CCSER1: variants seen among roughly 807,000 people sequenced by gnomAD.
CCSER1 encodes coiled-coil serine rich protein 1, also known as serine-rich coiled-coil domain-containing protein 1.
Under a neutral mutation model 82.0 loss-of-function variants are expected in CCSER1, and 41 were observed. The ratio of observed to expected loss-of-function variants is 0.50; its 90% CI spans 0.39 to 0.65. CCSER1 has a LOEUF of 0.65. CCSER1 is among the 30% of genes least tolerant of loss of function. The pLI is 0.00. For missense variants in CCSER1, 1,119 were observed against 1,064.2 expected (o/e 1.05, Z -0.72); for synonymous variants, 414 against 383.9 (o/e 1.08, Z -0.92).
At chr4:91,363,920 G>A (rs1264963910) in intron 10 of CCSER1, among the ~76,000 whole-genome samples, 1 of 151,576 alleles carries the variant, frequency 6.6e-6, no homozygotes, top group African/African-American at 2.4e-5. Context: ...TCTAACTGTA[G>A]CCCATGGATT....
chr4:91,345,074 A>C (rs1158767166), intron 10 of CCSER1, among the ~76,000 whole-genome samples: 1 of 152,136 alleles, frequency 6.6e-6, no homozygotes, highest in Non-Finnish European at 1.5e-5. Context: ...CACTTTCCTA[A>C]CTGTTCCCTG....
At chr4:91,545,091 C>T (rs887624799) in intron 10 of CCSER1, among the ~76,000 whole-genome samples, 3 of 152,118 alleles carry the variant, frequency 2.0e-5, no homozygotes, top group African/African-American at 7.2e-5. Flanking sequence ...TGTGCTAACA[C>T]TGAGGGAGGC....
chr4:90,206,299 A>G (rs1450292480), intron 1 of CCSER1, among the ~76,000 whole-genome samples: 4 of 152,052 alleles, frequency 2.6e-5, no homozygotes, highest in Non-Finnish European at 5.9e-5. Flanking sequence ...TAGGGTGTCA[A>G]TTTTAGATCT....
At chr4:90,728,165 G>A (rs2149391290) in intron 7 of CCSER1, among the ~76,000 whole-genome samples, 1 of 152,232 alleles carries the variant, frequency 6.6e-6, no homozygotes, top group East Asian at 1.9e-4. Flanking sequence ...ATGCACAATG[G>A]CACCACCCTC....
At chr4:91,254,603 T>G (rs1025520696) in intron 10 of CCSER1, among the ~76,000 whole-genome samples, 4 of 152,070 alleles carry the variant, frequency 2.6e-5, no homozygotes, top group African/African-American at 9.7e-5. Flanking sequence ...CAAGATTCAT[T>G]ATGGAGTTGG....
Position 91,196,895 on chromosome 4 carries a change from A to T in CCSER1, c.2217+110901A>T, listed in dbSNP as rs181388917. ...TACAGACAACTATTACTCTTTAGAT[A>T]TAGGCTTAAAGTTAGTTATCTGAGA... is the stretch of plus-strand genomic sequence containing the variant. On this transcript the variant is annotated intron_variant, in intron 10 of 10. Coordinates refer to ENST00000509176, the MANE Select transcript of CCSER1 (RefSeq NM_001145065.2). Among the ~76,000 whole-genome samples the T allele has an allele frequency of 3.9e-5, 6 of 152,370 alleles. No homozygotes were observed. The East Asian group carries it at 1.2e-3, about 29-fold the overall frequency.
intron 8 of CCSER1, among the ~76,000 whole-genome samples, chr4:90,858,203 GA>G (rs1487483786): frequency 1.3e-5 from 2 of 151,842 alleles, no homozygotes; most frequent in African/African-American, 4.8e-5. Flanking sequence ...CCTGAAATGG[GA>G]AAAAATGGTA....
In CCSER1 at chr4:91,085,939, T is replaced by C. The variant is rs1362013293; in HGVS notation, c.2173-11T>C. 2.7e-6 allele frequency: 4 copies of C among 1,478,268 alleles called. No homozygotes were observed. The Admixed American group carries it at 7.9e-5, about 29-fold the overall frequency. 91.6% of individuals were successfully genotyped at this position (1,478,268 alleles called of 1,614,324 possible). A position where few individuals can be genotyped will look rare whatever the true frequency, so the allele number is the denominator to read the frequency against. ...TTGCCAATAATAATATACTTTGCTT[T>C]TCTTTTTCAGGGTTTAAACTTGAAA... On this transcript the variant is annotated splice_polypyrimidine_tract_variant and intron_variant, in intron 9 of 10. Transcript: ENST00000509176.
intron 10 of CCSER1, among the ~76,000 whole-genome samples, chr4:91,202,667 A>C (rs963341956): frequency 1.1e-5 from 1 of 92,530 alleles, no homozygotes; most frequent in African/African-American, 3.7e-5. Flanking sequence ...CCTTCATAAA[A>C]ATGTAGTCAC....
chr4:90,324,981 A>G (rs1475403642), intron 3 of CCSER1, among the ~76,000 whole-genome samples: 2 of 152,178 alleles, frequency 1.3e-5, no homozygotes, highest in African/African-American at 4.8e-5. Flanking sequence ...AGATAGTTGT[A>G]TATACGTGGC....
At chr4:90,253,785 G>T (rs530573166) in intron 1 of CCSER1, among the ~76,000 whole-genome samples, 1 of 152,236 alleles carries the variant, frequency 6.6e-6, no homozygotes, top group Admixed American at 6.5e-5. Flanking sequence ...AACTTCTCAA[G>T]AGATGACAGT....
chr4:90,755,259 G>C (rs1320564030), intron 7 of CCSER1, among the ~76,000 whole-genome samples: 2 of 152,116 alleles, frequency 1.3e-5, no homozygotes, highest in Non-Finnish European at 2.9e-5. Flanking sequence ...AAACAAGTAA[G>C]AGTCAGTGCC....
In CCSER1 at chr4:91,183,442, A is replaced by G. The variant is rs192701065; in HGVS notation, c.2217+97448A>G. Among the ~76,000 whole-genome samples, 94 of 152,356 alleles carry G rather than the reference A, an allele frequency of 6.2e-4. 1 individual carries two copies. Among genetic ancestry groups the G allele is most frequent in the Non-Finnish European group, 1.1e-3 (75 of 68,030 alleles). On this transcript the variant is annotated intron_variant, in intron 10 of 10. Transcript: ENST00000509176. ...TAGTTATTTTAGGGAGAATCCAATT[A>G]GTTAATTTCAAAAACTGAAACAGCT... is the stretch of plus-strand genomic sequence containing the variant.
At chr4:91,101,992 G>A (rs1289579407) in intron 10 of CCSER1, among the ~76,000 whole-genome samples, 3 of 152,092 alleles carry the variant, frequency 2.0e-5, no homozygotes, top group Non-Finnish European at 4.4e-5. Context: ...TAGACCCAAA[G>A]CAGGATTTTC....
chr4:90,418,401 T>G (rs1271547853), intron 4 of CCSER1, among the ~76,000 whole-genome samples: 1 of 152,048 alleles, frequency 6.6e-6, no homozygotes, highest in Non-Finnish European at 1.5e-5. Context: ...ATTTTAAGTA[T>G]AGAATGCCAC....
At chr4:91,030,990 A>G (rs1016350494) in intron 9 of CCSER1, among the ~76,000 whole-genome samples, 7 of 152,170 alleles carry the variant, frequency 4.6e-5, no homozygotes, top group Non-Finnish European at 1.0e-4. Flanking sequence ...ATTTAGTTTC[A>G]GACTGTTAGC....
chr4:91,483,648 C>A (rs1454320591), intron 10 of CCSER1, among the ~76,000 whole-genome samples: 1 of 152,012 alleles, frequency 6.6e-6, no homozygotes, highest in Non-Finnish European at 1.5e-5. Flanking sequence ...GTTGGTCAGG[C>A]TGGTCTCGAA....
chr4:91,193,902 T>C (rs1040762819), intron 10 of CCSER1, among the ~76,000 whole-genome samples: 3 of 152,196 alleles, frequency 2.0e-5, no homozygotes, highest in Non-Finnish European at 4.4e-5. Flanking sequence ...AATTGTGTTT[T>C]AGTTTGAGAC....
intron 5 of CCSER1, among the ~76,000 whole-genome samples, chr4:90,603,252 G>T (rs1490591572): frequency 6.6e-6 from 1 of 152,218 alleles, no homozygotes; most frequent in Admixed American, 6.5e-5. Context: ...TTATCTGGAC[G>T]TGCAGACAGA....
Sources: gnomAD v4.1 joint callset for allele counts (sites outside exome capture counted in the v4.1 genomes callset) on GRCh38, gnomAD v4.1.1 for gene constraint, MANE v1.5 for transcripts, NCBI Gene and HGNC (gene_info 2026-07-23, HGNC 2026-07-21) for gene names.